ZNF469: variants seen among roughly 807,000 people sequenced by gnomAD.
ZNF469 encodes the protein zinc finger protein 469.
Under a neutral mutation model 1.0 loss-of-function variants are expected in ZNF469, and 1 was observed. The ratio of observed to expected loss-of-function variants is 1.00; its 90% CI spans 0.35 to 4.73. The LOEUF (loss-of-function observed/expected upper bound fraction) is 4.73, where lower values mean the gene tolerates loss of function less well. ZNF469 is among the 30% of genes most tolerant of loss of function. ZNF469 has a pLI of 0.16. For missense variants in ZNF469, 6,100 were observed against 5,356.3 expected, an observed-to-expected ratio of 1.14 and a Z score of -4.33; for synonymous variants, 2,703 against 2,363.4, an observed-to-expected ratio of 1.14 and a Z score of -4.17.
the ZNF469 span, among the ~76,000 whole-genome samples, chr16:88,157,740 T>G: frequency 6.6e-6 from 1 of 152,182 alleles, no homozygotes; most frequent in African/African-American, 2.4e-5. Flanking sequence ...ATGCCTTCCC[T>G]CAGCCCCCAT....
At chr16:88,203,710 T>C in the ZNF469 span, among the ~76,000 whole-genome samples, 1 of 150,360 alleles carries the variant, frequency 6.7e-6, no homozygotes, top group Admixed American at 6.6e-5. Flanking sequence ...TCACATGGCC[T>C]CTGCTCTGTG....
At chr16:88,356,562 G>A in the ZNF469 span, among the ~76,000 whole-genome samples, 46 of 152,056 alleles carry the variant, frequency 3.0e-4, 1 homozygote, top group Non-Finnish European at 2.2e-4. Context: ...GCCTGTGTGC[G>A]TGTGGGCATA....
chr16:88,284,988 T>C, the ZNF469 span, among the ~76,000 whole-genome samples: 15 of 152,298 alleles, frequency 9.8e-5, no homozygotes, highest in African/African-American at 3.1e-4. Context: ...TCCTTGGGAG[T>C]CCAGGCAGCC....
intron 1 of ZNF469, among the ~76,000 whole-genome samples, chr16:88,413,778 G>A (rs548743594): frequency 1.4e-4 from 22 of 152,320 alleles, no homozygotes; most frequent in African/African-American, 4.8e-4. Context: ...TGGGCTCCGC[G>A]CCTCAGGGCC....
At chr16:88,170,692 C>T in the ZNF469 span, among the ~76,000 whole-genome samples, 4 of 152,148 alleles carry the variant, frequency 2.6e-5, no homozygotes, top group Middle Eastern at 3.2e-3. This position sits in a 1 kb window ranked among gnomAD's most constrained non-coding sequence, Gnocchi z 4.2. Flanking sequence ...GCCAAGCAGC[C>T]GTTGGGATGG....
At chr16:88,208,081 T>C in the ZNF469 span, among the ~76,000 whole-genome samples, 1 of 152,158 alleles carries the variant, frequency 6.6e-6, no homozygotes, top group Non-Finnish European at 1.5e-5. Flanking sequence ...CATTTATATA[T>C]TTACATTAGT....
chr16:88,135,640 C>T, the ZNF469 span, among the ~76,000 whole-genome samples: 36 of 151,854 alleles, frequency 2.4e-4, no homozygotes, highest in Non-Finnish European at 4.4e-4. Flanking sequence ...ACACCCGGGG[C>T]CCCTCTTTCC....
chr16:88,249,339 C>G, the ZNF469 span, among the ~76,000 whole-genome samples: 2 of 151,710 alleles, frequency 1.3e-5, no homozygotes, highest in Non-Finnish European at 2.9e-5. Flanking sequence ...GCCATCCTCC[C>G]ACTTTAGCCT....
At chr16:88,281,432 T>C in the ZNF469 span, among the ~76,000 whole-genome samples, 5 of 149,834 alleles carry the variant, frequency 3.3e-5, no homozygotes, top group African/African-American at 7.4e-5. Context: ...GTCAGTACCA[T>C]GCATGGGTTA....
the ZNF469 span, among the ~76,000 whole-genome samples, chr16:88,347,223 G>A: frequency 6.6e-6 from 1 of 152,198 alleles, no homozygotes; most frequent in East Asian, 1.9e-4. Context: ...ACCTTTGGAC[G>A]AGTGAGATCC....
intron 1 of ZNF469, among the ~76,000 whole-genome samples, chr16:88,392,701 C>G (rs1326635647): frequency 6.6e-6 from 1 of 152,228 alleles, no homozygotes. Flanking sequence ...GCTGCTGTCC[C>G]CAGACACCCC....
At chr16:88,257,859 A>G in the ZNF469 span, among the ~76,000 whole-genome samples, 1 of 152,132 alleles carries the variant, frequency 6.6e-6, no homozygotes, top group Non-Finnish European at 1.5e-5. Flanking sequence ...AAACTGAGTT[A>G]TGTATGAGAC....
the ZNF469 span, among the ~76,000 whole-genome samples, chr16:88,222,434 G>A: frequency 6.6e-6 from 1 of 152,180 alleles, no homozygotes; most frequent in Admixed American, 6.5e-5. Context: ...GACTACAAGT[G>A]CATGCCATCA....
chr16:88,146,529 G>T, the ZNF469 span, among the ~76,000 whole-genome samples: 1 of 152,012 alleles, frequency 6.6e-6, no homozygotes, highest in Non-Finnish European at 1.5e-5. Context: ...CTCAGCCCCC[G>T]TGGGGTTTTC....
the ZNF469 span, among the ~76,000 whole-genome samples, chr16:88,166,800 C>CACACACACACACACACACACAA: frequency 4.0e-5 from 6 of 151,576 alleles, no homozygotes; most frequent in African/African-American, 1.5e-4. This position sits in a 1 kb window ranked among gnomAD's most constrained non-coding sequence, Gnocchi z 4.5. Flanking sequence ...CACACACACA[C>CACACACACACACACACACACAA]AAATACATAT....
At chr16:88,281,376 T>C in the ZNF469 span, among the ~76,000 whole-genome samples, 1 of 150,004 alleles carries the variant, frequency 6.7e-6, no homozygotes, top group Non-Finnish European at 1.5e-5. Context: ...GTCAGTACCA[T>C]GTAGATATCA....
the ZNF469 span, among the ~76,000 whole-genome samples, chr16:88,213,189 C>G: frequency 6.6e-6 from 1 of 151,992 alleles, no homozygotes; most frequent in African/African-American, 2.4e-5. Context: ...AGCTCCGCCT[C>G]CCTGGTTCAC....
At chr16:88,187,050 G>C in the ZNF469 span, among the ~76,000 whole-genome samples, 2 of 152,204 alleles carry the variant, frequency 1.3e-5, no homozygotes, top group Non-Finnish European at 2.9e-5. Context: ...GGAGGCCCCG[G>C]GGTATGAAGA....
intron 1 of ZNF469, among the ~76,000 whole-genome samples, chr16:88,387,712 C>G (rs1035557841): frequency 2.0e-5 from 3 of 152,164 alleles, no homozygotes; most frequent in African/African-American, 7.2e-5. Flanking sequence ...GCAGGCCAGG[C>G]TGAGAAGGCT....
Sources: gnomAD v4.1 joint callset for allele counts (sites outside exome capture counted in the v4.1 genomes callset) on GRCh38, gnomAD v4.1.1 for gene constraint, Gnocchi (gnomAD v3.1) non-coding constraint, MANE v1.5 for transcripts, NCBI Gene and HGNC (gene_info 2026-07-23, HGNC 2026-07-21) for gene names.